TRAF5: variants seen among roughly 807,000 people sequenced by gnomAD.
The protein encoded by TRAF5 is TNF receptor-associated factor 5.
TRAF5 carries 48 observed loss-of-function variants against 64.5 expected under a neutral mutation model. The observed-to-expected ratio is 0.74, with a 90% CI of 0.59 to 0.95. The LOEUF is 0.95. Ranked by LOEUF, TRAF5 falls within the 40% of genes least tolerant of loss-of-function variation. The probability of loss-of-function intolerance (pLI) is 0.00; values close to 1 mark genes in which losing one functional copy is unlikely to be tolerated. For synonymous variants in TRAF5, 206 were observed against 240.5 expected, an observed-to-expected ratio of 0.86 and a Z score of 1.33; for missense variants, 545 against 662.8, an observed-to-expected ratio of 0.82 and a Z score of 1.95.
intron 1 of TRAF5, among the ~76,000 whole-genome samples, chr1:211,330,394 A>G (rs900557341): frequency 1.8e-4 from 27 of 150,572 alleles, no homozygotes; most frequent in Non-Finnish European, 3.0e-5. Context: ...TCTCAAGGAG[A>G]AAGTGCTCTC....
chr1:211,361,286 ATTATT>A, intron 7 of TRAF5, 124 bp downstream of exon 7: 3 of 810,344 alleles, frequency 3.7e-6, no homozygotes, highest in Middle Eastern at 5.3e-4. Flanking sequence ...TTTAAGGCTA[ATTATT>A]TTAGAGTTCT....
At chr1:211,351,394 CTGCCAAA>C (rs990094043) in intron 1 of TRAF5, among the ~76,000 whole-genome samples, 19 of 152,106 alleles carry the variant, frequency 1.2e-4, no homozygotes, top group Admixed American at 1.1e-3. Context: ...ACTTCATTAC[CTGCCAAA>C]TGCCCACCTC....
At position 211,353,453 on chromosome 1, in the gene TRAF5, C is replaced by A; in HGVS notation, c.214C>A (p.Leu72Met). ...HRFCQHCILSLRELNTVPICP... is the reference protein window; with the variant it reads ...HRFCQHCILSMRELNTVPICP... ...CTTCTGCCAGCACTGCATCCTGTCC[C>A]TGAGGTGAGTGGGCAGGGCCTGCAA... is the stretch of plus-strand genomic sequence containing the variant. The change falls in exon 2 of 11, where the codon CTG (leucine) becomes ATG (methionine). Residue 72 changes from leucine (L) to methionine (M), a missense_variant. Coordinates refer to ENST00000261464, the MANE Select transcript of TRAF5 (RefSeq NM_001033910.3). The A allele has an allele frequency of 6.2e-7, 1 of 1,612,240 alleles. No individual in the cohort carries two copies. The highest frequency in any genetic ancestry group is 1.1e-5 in the South Asian group (1 of 90,928).
At chr1:211,359,182 C>T (rs1282251134) in intron 4 of TRAF5, 2 of 152,130 alleles carry the variant, frequency 1.3e-5, no homozygotes, top group African/African-American at 4.8e-5. Context: ...GACTTGAGTC[C>T]TGGCCTTAAG....
chr1:211,369,791 G>A (rs1257301781), intron 9 of TRAF5, among the ~76,000 whole-genome samples, 199 bp downstream of exon 9: 3 of 152,084 alleles, frequency 2.0e-5, no homozygotes, highest in African/African-American at 7.2e-5. Flanking sequence ...CATCATTCAT[G>A]CTCCCCTCCA....
At position 211,333,490 on chromosome 1, in the gene TRAF5, C is replaced by T. The variant is rs180759005; in HGVS notation, c.-2+6601C>T. On this transcript the variant is annotated intron_variant, in intron 1 of 10. Coordinates refer to ENST00000261464, the MANE Select transcript of TRAF5 (RefSeq NM_001033910.3). Reference sequence around the variant, plus strand: ...GTGCTGGGATTACAGGCGTGAGCCACGGTGCCCAGTCTTGTTTTGTTTTTT... The same window carrying T: ...GTGCTGGGATTACAGGCGTGAGCCATGGTGCCCAGTCTTGTTTTGTTTTTT... Among the ~76,000 whole-genome samples the T allele has an allele frequency of 2.6e-4, 39 of 151,730 alleles. 2 individuals are homozygous for T. The highest frequency in any genetic ancestry group is 3.4e-3 in the Middle Eastern group (1 of 294).
chr1:211,339,339 G>A (rs1203851131), intron 1 of TRAF5, among the ~76,000 whole-genome samples: 4 of 152,258 alleles, frequency 2.6e-5, no homozygotes, highest in East Asian at 3.9e-4. Context: ...GATCTCCTAG[G>A]ACTAACCAGA....
chr1:211,361,197 C>A, intron 7 of TRAF5, 35 bp downstream of exon 7: 1 of 1,570,258 alleles, frequency 6.4e-7, no homozygotes, highest in Non-Finnish European at 8.8e-7. Flanking sequence ...CCTATACATT[C>A]TACTGTATAA....
At position 211,373,552 on chromosome 1, in the gene TRAF5, C is replaced by G. The variant is rs150478547; in HGVS notation, c.*850C>G. On this transcript the variant is annotated 3_prime_UTR_variant, in exon 11 of 11. Transcript: ENST00000261464. The stretch of plus-strand genomic sequence containing the variant: ...TATATATGTGTGTATACAAACAGTT[C>G]GAATGTATTTTGGTGACAGTAATAA... 1.7e-3 allele frequency: 260 copies of G among 151,888 alleles called. No homozygotes were observed. Among genetic ancestry groups the G allele is most frequent in the African/African-American group, 6.1e-3 (254 of 41,386 alleles). 9.4% of individuals were successfully genotyped at this position (151,888 alleles called of 1,614,324 possible). A position where few individuals can be genotyped will look rare whatever the true frequency, so the allele number is the denominator to read the frequency against.
At chr1:211,365,186 AAAAC>A (rs1272916247) in intron 7 of TRAF5, among the ~76,000 whole-genome samples, 186 bp from the exon 8 acceptor site, 1 of 152,056 alleles carries the variant, frequency 6.6e-6, no homozygotes, top group Non-Finnish European at 1.5e-5. Context: ...AAAACAAACA[AAAAC>A]AAACTAAAGC....
chr1:211,346,641 AGG>A, intron 1 of TRAF5, among the ~76,000 whole-genome samples: 1 of 152,286 alleles, frequency 6.6e-6, no homozygotes, highest in South Asian at 2.1e-4. Flanking sequence ...AGGGGTATGG[AGG>A]TGGTATGGAT....
Position 211,372,672 on chromosome 1 carries a change from C to T in TRAF5, c.1644C>T (p.Ala548=), listed in dbSNP as rs147270768. The change falls in exon 11 of 11, where the codon GCC becomes GCT. Residue 548 remains alanine, a synonymous_variant. Coordinates refer to ENST00000261464, the MANE Select transcript of TRAF5 (RefSeq NM_001033910.3). ...IKDDTLFLKV[A]VDLTDLEDL ...ATGACACTCTGTTCTTGAAAGTGGC[C>T]GTGGACTTAACTGACCTGGAGGATC... 27 of 1,614,096 alleles carry T rather than the reference C, an allele frequency of 1.7e-5. No homozygotes were observed. The highest frequency in any genetic ancestry group is 1.1e-4 in the African/African-American group (8 of 75,026).
In TRAF5 at chr1:211,346,491, T is replaced by TTCACTCTGGGATTTATCTTGGG. The variant is rs1165926076; in HGVS notation, c.-1-6748_-1-6747insTCACTCTGGGATTTATCTTGGG. 10 of 951,568 alleles carry TTCACTCTGGGATTTATCTTGGG rather than the reference T, an allele frequency of 1.1e-5. No homozygotes were observed. In the African/African-American group the frequency reaches 1.8e-4, roughly 17 times the overall value. 58.9% of individuals were successfully genotyped at this position (951,568 alleles called of 1,614,324 possible). A position where few individuals can be genotyped will look rare whatever the true frequency, so the allele number is the denominator to read the frequency against. ...TTTCACTCTGGGATTTTATCTGTAG[T>TTCACTCTGGGATTTATCTTGGG]AATCAGTAATTCCCCAAGAATCAGA... On this transcript the variant is annotated intron_variant, in intron 1 of 10. Coordinates refer to ENST00000261464, the MANE Select transcript of TRAF5 (RefSeq NM_001033910.3).
At position 211,372,558 on chromosome 1, in the gene TRAF5, A is replaced by C; in HGVS notation, c.1530A>C (p.Arg510Ser). The C allele has an allele frequency of 6.8e-6, 11 of 1,614,150 alleles. No homozygotes were observed. The highest frequency in any genetic ancestry group is 9.3e-6 in the Non-Finnish European group (11 of 1,180,022). Residue 510 changes from arginine to serine, a missense_variant, in exon 11 of 11, where the codon AGA becomes AGC. Arg to Ser is a moderately radical substitution (Grantham distance 110, BLOSUM62 -1). Transcript: ENST00000261464. ...ACCCCAATAGCAGCAGCTTTAAAAG[A>C]CCTGATGGGGAGATGAACATTGCAT... Reference protein sequence around the residue: ...KPDPNSSSFKRPDGEMNIASG... With the variant: ...KPDPNSSSFKSPDGEMNIASG...
intron 9 of TRAF5, among the ~76,000 whole-genome samples, chr1:211,370,941 C>T (rs1703501704): frequency 3.3e-5 from 5 of 152,030 alleles, no homozygotes; most frequent in Admixed American, 3.3e-4. Context: ...AGGAGTGAAT[C>T]AGGAGATTGG....
intron 1 of TRAF5, among the ~76,000 whole-genome samples, chr1:211,330,281 A>G (rs1572048453): frequency 6.6e-6 from 1 of 152,012 alleles, no homozygotes; most frequent in Non-Finnish European, 1.5e-5. Flanking sequence ...TACTTTCAGC[A>G]GAGCCCCATG....
At chr1:211,326,765 C>T (rs1237672023), upstream of TRAF5, 2 of 984,646 alleles carry the variant, frequency 2.0e-6, no homozygotes, top group Middle Eastern at 5.2e-4. The surrounding 1 kb of genome is among the most constrained non-coding windows in gnomAD (Gnocchi z 5.0). Context: ...CCGCCCGCGC[C>T]CCTCCGCCCG....
chr1:211,365,131 C>T (rs923259362), intron 7 of TRAF5, among the ~76,000 whole-genome samples: 13 of 151,962 alleles, frequency 8.6e-5, no homozygotes, highest in Non-Finnish European at 4.4e-5. Context: ...CAAGATCATA[C>T]CACTGTACTC....
intron 1 of TRAF5, among the ~76,000 whole-genome samples, chr1:211,351,718 C>A (rs763614030): frequency 2.6e-5 from 4 of 152,108 alleles, no homozygotes; most frequent in Non-Finnish European, 5.9e-5. Flanking sequence ...GTTGAAAAGA[C>A]TTATCTTTGC....
Sources: allele counts gnomAD v4.1 joint callset (sites outside exome capture counted in the v4.1 genomes callset), GRCh38; gene constraint gnomAD v4.1.1; non-coding constraint Gnocchi (gnomAD v3.1); transcripts MANE v1.5; gene names NCBI Gene and HGNC (gene_info 2026-07-23, HGNC 2026-07-21).